The following HOXA4 variants were observed in gnomAD, a reference collection of about 807,000 sequenced individuals.
The protein encoded by HOXA4 is homeobox A4.
In HOXA4, 31 loss-of-function variants were observed where a neutral mutation model predicts 25.3. The ratio of observed to expected loss-of-function variants is 1.22; its 90% CI spans 0.92 to 1.65. HOXA4 has a LOEUF of 1.65. Ranked by LOEUF, HOXA4 falls within the 40% of genes most tolerant of loss-of-function variation. The pLI is 0.00. For missense variants in HOXA4, 459 were observed against 446.0 expected (o/e 1.03, Z -0.26); for synonymous variants, 225 against 207.7 (o/e 1.08, Z -0.72).
At chr7:27,129,941 T>A in intron 1 of HOXA4, 177 bp downstream of exon 1, 1 of 691,170 alleles carries the variant, frequency 1.4e-6, no homozygotes, top group South Asian at 1.9e-5. Flanking sequence ...AGGGTTCTCA[T>A]GTTGGGATCA....
In HOXA4 at chr7:27,128,919, A is replaced by T. The variant is rs2128053619; in HGVS notation, c.*306T>A. ...TCAGCATGGGCTGTCCAGCTAGCTG[A>T]CTGTAGCCATCTCAAAAGTATTTGA... is the stretch of plus-strand genomic sequence containing the variant. On this transcript the variant is annotated 3_prime_UTR_variant, in exon 2 of 2. Coordinates refer to ENST00000360046, the MANE Select transcript of HOXA4 (RefSeq NM_002141.5). 1 of 426,942 alleles carries T rather than the reference A, an allele frequency of 2.3e-6. No individual in the cohort carries two copies. The highest frequency in any genetic ancestry group is 2.6e-5 in the South Asian group (1 of 38,764). The allele number at this position is 426,942 out of a possible 1,614,324, so 26.4% of individuals were successfully genotyped here. A position where few individuals can be genotyped will look rare whatever the true frequency, so the allele number is the denominator to read the frequency against.
chr7:27,130,122 G>A lies in HOXA4; in HGVS notation c.612C>T (p.Ser204=), dbSNP rs749848400. Residue 204 remains serine, a synonymous_variant, in exon 1 of 2, where the codon AGC becomes AGT. Transcript: ENST00000360046. The stretch of plus-strand genomic sequence containing the variant: ...CTCCCAAGCGGCGCCACGTACCGGC[G>A]CTGACATGGATCTTCTTCATCCAGG... The part of the protein sequence containing the change: ...VYPWMKKIHV[S]AVNPSYNGGE... 2.5e-6 allele frequency: 4 copies of A among 1,600,162 alleles called. No homozygotes were observed. The highest frequency in any genetic ancestry group is 3.4e-6 in the Non-Finnish European group (4 of 1,175,972).
intron 1 of HOXA4, 175 bp downstream of exon 1, chr7:27,129,943 T>G: frequency 2.9e-6 from 2 of 699,060 alleles, no homozygotes; most frequent in Non-Finnish European, 4.7e-6. Context: ...GGTTCTCATG[T>G]TGGGATCAGG....
Position 27,130,186 on chromosome 7 carries a change from C to T in HOXA4, c.548G>A (p.Ser183Asn). The T allele has an allele frequency of 3.8e-6, 6 of 1,585,948 alleles. No homozygotes were observed. Among genetic ancestry groups the T allele is most frequent in the Non-Finnish European group, 5.1e-6 (6 of 1,171,164 alleles). ...CTCCTTGCCCTTCAGGCCCAGCGGG[C>T]TCTTGTCGGCCAAGAGCAGCGGGCA... is the stretch of plus-strand genomic sequence containing the variant. ...PACPLLLADK[S>N]PLGLKGKEPV... is the part of the protein sequence containing the mutation. Residue 183 changes from serine to asparagine, a missense_variant, in exon 1 of 2, where the codon AGC (serine) becomes AAC (asparagine). Physicochemically the swap from Ser to Asn is conservative, Grantham distance 46. Transcript: ENST00000360046.
chr7:27,129,594 T>C (rs1462365545), intron 1 of HOXA4, 23 bp from the exon 2 acceptor site: 1 of 1,606,596 alleles, frequency 6.2e-7, no homozygotes, highest in East Asian at 2.2e-5. Context: ...AACCCCGAAA[T>C]AGAAGGCCAA....
At chr7:27,129,857 T>C (rs889405848) in intron 1 of HOXA4, 2 of 604,650 alleles carry the variant, frequency 3.3e-6, no homozygotes, top group Non-Finnish European at 5.8e-6. Flanking sequence ...CAATTAAATT[T>C]ATGGGGGCTA....
rs763416218 is a variant in HOXA4, at chr7:27,130,673, C to T, written c.61G>A (p.Glu21Lys). ...GAGCCGCTGTGCTGCGCGTACTCCT[C>T]GAAGGGAGGGAACTTGGGCTCGATG... ...NYIEPKFPPFEEYAQHSGSGG... is the reference protein window; with the variant it reads ...NYIEPKFPPFKEYAQHSGSGG... Residue 21 changes from glutamate (E) to lysine (K), a missense_variant, in exon 1 of 2, where the codon GAG becomes AAG. Transcript: ENST00000360046. 2 of 1,607,820 alleles carry T rather than the reference C, an allele frequency of 1.2e-6. No homozygotes were observed. The highest frequency in any genetic ancestry group is 1.7e-5 in the Admixed American group (1 of 59,664).
In HOXA4 at chr7:27,129,393, G is replaced by A; in HGVS notation, c.795C>T (p.Asn265=). The change falls in exon 2 of 2, where the codon AAC becomes AAT. Residue 265 remains asparagine, a synonymous_variant. Transcript: ENST00000360046. ...GGTCTTTCTTCCACTTCATCCTCCG[G>A]TTCTGAAACCAGATCTTGACCTGGC... ...SERQVKIWFQ[N]RRMKWKKDHK... is the part of the protein sequence containing the mutation. The A allele has an allele frequency of 1.2e-6, 2 of 1,614,178 alleles. No individual in the cohort carries two copies. The highest frequency in any genetic ancestry group is 1.7e-6 in the Non-Finnish European group (2 of 1,180,038).
chr7:27,129,718 T>C, intron 1 of HOXA4, 147 bp from the exon 2 acceptor site: 1 of 892,968 alleles, frequency 1.1e-6, no homozygotes, highest in African/African-American at 1.7e-5. Context: ...GCAAGATACA[T>C]AAAACGGCAA....
Position 27,129,456 on chromosome 7 carries a change from G to C in HOXA4, c.732C>G (p.Arg244=), listed in dbSNP as rs1562722062. 3 of 1,614,092 alleles carry C rather than the reference G, an allele frequency of 1.9e-6. No homozygotes were observed. The highest frequency in any genetic ancestry group is 2.2e-5 in the East Asian group (1 of 44,892). The part of the protein sequence containing the change: ...FHFNRYLTRR[R]RIEIAHTLCL... ...AGAGCGTGTGGGCGATCTCGATGCGGCGCCGCCGGGTCAGGTATCGATTGA... is the reference window on the plus strand; with the variant it reads ...AGAGCGTGTGGGCGATCTCGATGCGCCGCCGCCGGGTCAGGTATCGATTGA... The change falls in exon 2 of 2, where the codon CGC becomes CGG. Residue 244 remains arginine (R), a synonymous_variant. Transcript: ENST00000360046.
chr7:27,130,444 T>C lies in HOXA4; in HGVS notation c.290A>G (p.Asp97Gly). The C allele has an allele frequency of 8.3e-7, 1 of 1,209,076 alleles. No homozygotes were observed. Among genetic ancestry groups the C allele is most frequent in the Non-Finnish European group, 1.0e-6 (1 of 974,670 alleles). The allele number at this position is 1,209,076 out of a possible 1,614,324, so 74.9% of individuals were successfully genotyped here. The change falls in exon 1 of 2, where the codon GAC (aspartate) becomes GGC (glycine). Residue 97 changes from aspartate to glycine, a missense_variant. Physicochemically the swap from Asp to Gly is moderately conservative, Grantham distance 94. Coordinates refer to ENST00000360046, the MANE Select transcript of HOXA4 (RefSeq NM_002141.5). ...AALYPAHGAA[D>G]TAYPYGYRGG... ...GCGGTAGCCATAGGGGTAGGCGGTG[T>C]CCGCGGCCCCATGCGCGGGGTACAG...
rs1405961370 is a variant in HOXA4 at position 27,129,331 on chromosome 7, G to T, written c.857C>A (p.Ser286Ter). The T allele has an allele frequency of 6.2e-7, 1 of 1,614,192 alleles. No homozygotes were observed. Among genetic ancestry groups the T allele is most frequent in the Non-Finnish European group, 8.5e-7 (1 of 1,180,042 alleles). Residue 286 changes from serine to a stop codon, truncating the protein, a stop_gained, in exon 2 of 2, where the codon TCG becomes TAG. Transcript: ENST00000360046. LOFTEE classifies it high-confidence loss of function. Reference sequence around the variant, plus strand: ...TGGTGGGCCGGCAGAGGCCGAGGCCGAATTGGAGGATCGCATCTTGGTGTT... The same window carrying T: ...TGGTGGGCCGGCAGAGGCCGAGGCCTAATTGGAGGATCGCATCTTGGTGTT... ...LPNTKMRSSNSASASAGPPGK... is the reference protein window; with the variant it reads ...LPNTKMRSSN
At chr7:27,130,053 C>G in intron 1 of HOXA4, 65 bp downstream of exon 1, 6 of 1,511,836 alleles carry the variant, frequency 4.0e-6, no homozygotes, top group Non-Finnish European at 5.3e-6. Context: ...CCCTCCTGAC[C>G]CCGACCCTCG....
rs755258643 is a variant in HOXA4 at position 27,129,243 on chromosome 7, G to T, written c.945C>A (p.Pro315=). 4.5e-6 allele frequency: 7 copies of T among 1,559,330 alleles called. No individual in the cohort carries two copies. Among genetic ancestry groups the T allele is most frequent in the Middle Eastern group, 1.7e-4 (1 of 5,940 alleles). The part of the protein sequence containing the change: ...HPHPHPSTST[P]VPSSI ...TAGAAGATTATATGGAGGAGGGAAC[G>T]GGTGTGGAGGTGCTCGGGTGGGGGT... The change falls in exon 2 of 2, where the codon CCC becomes CCA. Residue 315 remains proline, a synonymous_variant. Transcript: ENST00000360046.
Position 27,130,500 on chromosome 7 carries a change from G to C in HOXA4, c.234C>G (p.Thr78=). The C allele has an allele frequency of 7.8e-7, 1 of 1,285,972 alleles. No individual in the cohort carries two copies. 79.7% of individuals were successfully genotyped at this position (1,285,972 alleles called of 1,614,324 possible). The part of the protein sequence containing the change: ...EPTASYYAPR[T]AREPAYPAAA... ...CAGCAGGGTAGGCGGGCTCGCGGGCGGTCCGCGGCGCGTAGTAGGAGGCAG... is the reference window on the plus strand; with the variant it reads ...CAGCAGGGTAGGCGGGCTCGCGGGCCGTCCGCGGCGCGTAGTAGGAGGCAG... Residue 78 remains threonine (T), a synonymous_variant, in exon 1 of 2, where the codon ACC becomes ACG. Coordinates refer to ENST00000360046, the MANE Select transcript of HOXA4 (RefSeq NM_002141.5).
chr7:27,129,362 G>A lies in HOXA4; in HGVS notation c.826C>T (p.Leu276=). Residue 276 remains leucine (L), a synonymous_variant, in exon 2 of 2, where the codon CTG becomes TTG. Transcript: ENST00000360046. ...GAGGATCGCATCTTGGTGTTGGGCA[G>A]TTTGTGGTCTTTCTTCCACTTCATC... is the stretch of plus-strand genomic sequence containing the variant. The part of the protein sequence containing the change: ...RRMKWKKDHK[L]PNTKMRSSNS... 7 of 1,614,180 alleles carry A rather than the reference G, an allele frequency of 4.3e-6. No homozygotes were observed. Among genetic ancestry groups the A allele is most frequent in the African/African-American group, 1.3e-5 (1 of 75,042 alleles).
rs13246087 is a variant in HOXA4, at chr7:27,130,200, G to A, written c.534C>T (p.Leu178=). ...AGGSAPACPL[L]LADKSPLGLK... ...GGCCCAGCGGGCTCTTGTCGGCCAA[G>A]AGCAGCGGGCACGCGGGGGCGCTGC... Residue 178 remains leucine (L), a synonymous_variant, in exon 1 of 2, where the codon CTC becomes CTT. Coordinates refer to ENST00000360046, the MANE Select transcript of HOXA4 (RefSeq NM_002141.5). 7 of 1,566,520 alleles carry A rather than the reference G, an allele frequency of 4.5e-6. No homozygotes were observed. Among genetic ancestry groups the A allele is most frequent in the Non-Finnish European group, 6.0e-6 (7 of 1,162,282 alleles).
Position 27,129,057 on chromosome 7 carries a change from C to T in HOXA4, c.*168G>A. 1 of 677,964 alleles carries T rather than the reference C, an allele frequency of 1.5e-6. No homozygotes were observed. Among genetic ancestry groups the T allele is most frequent in the Non-Finnish European group, 2.6e-6 (1 of 378,566 alleles). 42.0% of individuals were successfully genotyped at this position (677,964 alleles called of 1,614,324 possible). ...GTTCTCTCTTGGGTGGCAACCAGCA[C>T]AGACTCTTAACCGGATAATGTCTTC... is the stretch of plus-strand genomic sequence containing the variant. On this transcript the variant is annotated 3_prime_UTR_variant, in exon 2 of 2. Coordinates refer to ENST00000360046, the MANE Select transcript of HOXA4 (RefSeq NM_002141.5).
chr7:27,130,103 A>G lies in HOXA4; in HGVS notation c.616+15T>C. 1 of 1,588,334 alleles carries G rather than the reference A, an allele frequency of 6.3e-7. No homozygotes were observed. The highest frequency in any genetic ancestry group is 8.5e-7 in the Non-Finnish European group (1 of 1,170,490). Reference sequence around the variant, plus strand: ...CCCGGCCCACCTCCCGCGCCTCCCAAGCGGCGCCACGTACCGGCGCTGACA... The same window carrying G: ...CCCGGCCCACCTCCCGCGCCTCCCAGGCGGCGCCACGTACCGGCGCTGACA... On this transcript the variant is annotated intron_variant, in intron 1 of 1. Transcript: ENST00000360046.
Sources: allele counts gnomAD v4.1 joint callset, GRCh38; gene constraint gnomAD v4.1.1; transcripts MANE v1.5; gene names NCBI Gene and HGNC (gene_info 2026-07-23, HGNC 2026-07-21).